Variants in SOD1 observed in about 807,000 individuals in gnomAD.
SOD1 encodes superoxide dismutase [Cu-Zn].
Under a neutral mutation model 15.9 loss-of-function variants are expected in SOD1, and 8 were observed. The ratio of observed to expected loss-of-function variants is 0.50; its 90% CI spans 0.30 to 0.91. The LOEUF (loss-of-function observed/expected upper bound fraction) is 0.91, where lower values mean the gene tolerates loss of function less well. Among genes scored for constraint, SOD1 ranks in the 40% least tolerant of loss-of-function variants. The probability of loss-of-function intolerance (pLI) is 0.07; values close to 1 mark genes in which losing one functional copy is unlikely to be tolerated. For missense variants in SOD1, 137 were observed against 194.5 expected (o/e 0.70, Z 1.76); for synonymous variants, 86 against 71.2 (o/e 1.21, Z -1.04).
intron 2 of SOD1, among the ~76,000 whole-genome samples, chr21:31,664,650 A>G (rs1362868371): frequency 6.6e-6 from 1 of 151,674 alleles, no homozygotes; most frequent in East Asian, 1.9e-4. Flanking sequence ...ACGGAGTCTT[A>G]CTCTGTGGCC....
At chr21:31,662,413 A>T (rs949596398) in intron 1 of SOD1, among the ~76,000 whole-genome samples, 14 of 152,242 alleles carry the variant, frequency 9.2e-5, no homozygotes, top group Non-Finnish European at 2.1e-4. Flanking sequence ...GCCGTATTTG[A>T]AAACAAACCA....
At chr21:31,667,149 A>T in intron 3 of SOD1, 109 bp from the exon 4 acceptor site, 1 of 772,512 alleles carries the variant, frequency 1.3e-6, no homozygotes, top group South Asian at 1.5e-5. Context: ...ATGCCTAGCT[A>T]CTTGTTTGCA....
chr21:31,668,351 C>T (rs747179010), intron 4 of SOD1, 120 bp from the exon 5 acceptor site: 32 of 735,336 alleles, frequency 4.4e-5, no homozygotes, highest in Non-Finnish European at 6.9e-5. Context: ...GTATATCTCT[C>T]TACTAGGATT....
Position 31,659,860 on chromosome 21 carries a change from G to T in SOD1, c.72+19G>T. 1 of 1,610,726 alleles carries T rather than the reference G, an allele frequency of 6.2e-7. No individual in the cohort carries two copies. On this transcript the variant is annotated intron_variant, in intron 1 of 4. Coordinates refer to ENST00000270142, the MANE Select transcript of SOD1 (RefSeq NM_000454.5). The stretch of plus-strand genomic sequence containing the variant: ...GCAGAAGGCAAGGGCTGGGACGGAG[G>T]CTTGTTTGCGAGGCCGCTCCCACCC...
Position 31,667,094 on chromosome 21 carries a change from A to T in SOD1, c.240-164A>T, listed in dbSNP as rs191243135. Reference sequence around the variant, plus strand: ...GCAGCCCCATCTTTCTTCCCAGAGCATTAGTGTGTAGACGTGAAGCCTTGT... The same window carrying T: ...GCAGCCCCATCTTTCTTCCCAGAGCTTTAGTGTGTAGACGTGAAGCCTTGT... On this transcript the variant is annotated intron_variant, in intron 3 of 4. Transcript: ENST00000270142. The T allele has an allele frequency of 6.0e-6, 4 of 670,946 alleles. No homozygotes were observed. The African/African-American group carries it at 7.1e-5, about 12-fold the overall frequency. 41.6% of individuals were successfully genotyped at this position (670,946 alleles called of 1,614,324 possible).
chr21:31,666,557 T>A (rs777389559), intron 3 of SOD1, 39 bp downstream of exon 3: 12 of 1,387,906 alleles, frequency 8.6e-6, no homozygotes, highest in Non-Finnish European at 1.2e-5. Flanking sequence ...TGGCGATAGC[T>A]TTCTGGAGTT....
chr21:31,666,546 A>G, intron 3 of SOD1, 28 bp downstream of exon 3: 1 of 1,503,024 alleles, frequency 6.7e-7, no homozygotes, highest in Non-Finnish European at 9.3e-7. Context: ...TCTTGTAATA[A>G]TGGCGATAGC....
Position 31,659,819 on chromosome 21 carries a change from G to T in SOD1, c.50G>T (p.Gly17Val). 1 of 1,613,752 alleles carries T rather than the reference G, an allele frequency of 6.2e-7. No homozygotes were observed. Among genetic ancestry groups the T allele is most frequent in the Non-Finnish European group, 8.5e-7 (1 of 1,179,882 alleles). ...CTGAAGGGCGACGGCCCAGTGCAGGGCATCATCAATTTCGAGCAGAAGGCA... is the reference window on the plus strand; with the variant it reads ...CTGAAGGGCGACGGCCCAGTGCAGGTCATCATCAATTTCGAGCAGAAGGCA... ...CVLKGDGPVQ[G>V]IINFEQKESN... Residue 17 changes from glycine to valine, a missense_variant, in exon 1 of 5, where the codon GGC becomes GTC. By Grantham distance (109) the Gly-to-Val change is moderately radical (BLOSUM62 -3). Transcript: ENST00000270142.
At chr21:31,663,728 A>T in intron 1 of SOD1, 62 bp from the exon 2 acceptor site, 1 of 1,286,682 alleles carries the variant, frequency 7.8e-7, no homozygotes, top group Non-Finnish European at 1.1e-6. Flanking sequence ...TGTGAGGGGT[A>T]AAGGTAAATC....
At chr21:31,662,476 G>T (rs921250009) in intron 1 of SOD1, among the ~76,000 whole-genome samples, 1 of 152,186 alleles carries the variant, frequency 6.6e-6, no homozygotes, top group South Asian at 2.1e-4. Flanking sequence ...TGTGGATGTT[G>T]TGTTTATTTT....
chr21:31,665,746 C>T (rs2049587273), intron 2 of SOD1, among the ~76,000 whole-genome samples: 2 of 152,152 alleles, frequency 1.3e-5, no homozygotes, highest in African/African-American at 4.8e-5. Flanking sequence ...CTGCCTGCAC[C>T]AAGTAAAGGG....
intron 1 of SOD1, among the ~76,000 whole-genome samples, chr21:31,663,430 A>G (rs2049566317): frequency 6.6e-6 from 1 of 152,230 alleles, no homozygotes; most frequent in Non-Finnish European, 1.5e-5. Context: ...AGGTACTTAC[A>G]TTACCTATTT....
rs2049622497 is a variant in SOD1 at position 31,668,740 on chromosome 21, A to G, written c.*162A>G. 1 of 645,464 alleles carries G rather than the reference A, an allele frequency of 1.5e-6. No individual in the cohort carries two copies. Among genetic ancestry groups the G allele is most frequent in the African/African-American group, 1.8e-5 (1 of 54,948 alleles). 40.0% of individuals were successfully genotyped at this position (645,464 alleles called of 1,614,324 possible). A position where few individuals can be genotyped will look rare whatever the true frequency, so the allele number is the denominator to read the frequency against. ...ACCTGTAGTGAGAAACTGATTTATG[A>G]TCACTTGGAAGATTTGTATAGTTTT... On this transcript the variant is annotated 3_prime_UTR_variant, in exon 5 of 5. Coordinates refer to ENST00000270142, the MANE Select transcript of SOD1 (RefSeq NM_000454.5).
intron 1 of SOD1, among the ~76,000 whole-genome samples, chr21:31,663,319 GA>G (rs972925370): frequency 2.6e-5 from 4 of 152,128 alleles, no homozygotes; most frequent in African/African-American, 9.7e-5. Flanking sequence ...CAGCCTGGGC[GA>G]CAGAGCGAGA....
At chr21:31,663,911 C>A in intron 2 of SOD1, 25 bp downstream of exon 2, 6 of 1,530,938 alleles carry the variant, frequency 3.9e-6, no homozygotes, top group Non-Finnish European at 5.4e-6. Flanking sequence ...GTGCTGGTGA[C>A]CCATACTTGT....
chr21:31,659,917 G>C, intron 1 of SOD1, 76 bp downstream of exon 1: 1 of 1,504,634 alleles, frequency 6.6e-7, no homozygotes, highest in Middle Eastern at 2.2e-4. Context: ...TGCTAGGAGC[G>C]GGTCGCCCGC....
At chr21:31,664,098 C>T (rs1315582361) in intron 2 of SOD1, among the ~76,000 whole-genome samples, 2 of 152,014 alleles carry the variant, frequency 1.3e-5, no homozygotes, top group East Asian at 1.9e-4. Context: ...TGCCTTGGCC[C>T]GTAGCTGGGA....
chr21:31,663,256 C>T (rs2049564354), intron 1 of SOD1, among the ~76,000 whole-genome samples: 1 of 150,526 alleles, frequency 6.6e-6, no homozygotes, highest in Non-Finnish European at 1.5e-5. Context: ...AGGAGAATGG[C>T]GTGAACCCGG....
At chr21:31,664,569 GAA>G (rs1356890540) in intron 2 of SOD1, 1 of 153,906 alleles carries the variant, frequency 6.5e-6, no homozygotes, top group Non-Finnish European at 1.4e-5. Context: ...AAAAGAAAGG[GAA>G]AGAGTTGATG....
Sources: allele counts gnomAD v4.1 joint callset (sites outside exome capture counted in the v4.1 genomes callset), GRCh38; gene constraint gnomAD v4.1.1; transcripts MANE v1.5; gene names NCBI Gene and HGNC (gene_info 2026-07-23, HGNC 2026-07-21).